The following GPC5 variants were observed in gnomAD, a reference collection of about 807,000 sequenced individuals.
The protein encoded by GPC5 is glypican-5.
Under a neutral mutation model 53.9 loss-of-function variants are expected in GPC5, and 47 were observed. That is an observed-to-expected ratio of 0.87 (90% confidence interval 0.69 to 1.11). The LOEUF is 1.11. Among genes scored for constraint, GPC5 ranks in the 50% most tolerant of loss-of-function variants. GPC5 has a pLI of 0.00. For missense variants in GPC5, 748 were observed against 713.1 expected, an observed-to-expected ratio of 1.05 and a Z score of -0.56; for synonymous variants, 286 against 263.3, an observed-to-expected ratio of 1.09 and a Z score of -0.84.
intron 6 of GPC5, among the ~76,000 whole-genome samples, chr13:91,938,877 T>C (rs1198500931): frequency 1.3e-5 from 2 of 152,084 alleles, no homozygotes; most frequent in Non-Finnish European, 2.9e-5. Flanking sequence ...TGAATGATAG[T>C]TTTAGTTTTC....
intron 7 of GPC5, among the ~76,000 whole-genome samples, chr13:92,525,479 T>TGTGTGTGTGTGA (rs777799898): frequency 2.1e-5 from 3 of 144,660 alleles, no homozygotes; most frequent in Admixed American, 7.0e-5. Context: ...TGTGTGTGTG[T>TGTGTGTGTGTGA]GAAACAACCA....
chr13:92,179,689 A>G (rs2139033731), intron 7 of GPC5, among the ~76,000 whole-genome samples: 1 of 152,256 alleles, frequency 6.6e-6, no homozygotes, highest in East Asian at 1.9e-4. Context: ...AATCTAACAT[A>G]CAAGAAAAAT....
intron 6 of GPC5, among the ~76,000 whole-genome samples, chr13:92,091,807 C>A (rs1173764369): frequency 6.6e-6 from 1 of 151,118 alleles, no homozygotes; most frequent in Non-Finnish European, 1.5e-5. Flanking sequence ...AGGTTTTAGT[C>A]ACTGTAAATC....
chr13:91,943,493 GT>G (rs1215371151), intron 6 of GPC5, among the ~76,000 whole-genome samples: 12 of 152,250 alleles, frequency 7.9e-5, no homozygotes, highest in Non-Finnish European at 1.8e-4. Context: ...ATGGAATTGA[GT>G]TTGGTGTATG....
At chr13:91,440,668 T>G (rs1221315520) in intron 1 of GPC5, among the ~76,000 whole-genome samples, 4 of 152,204 alleles carry the variant, frequency 2.6e-5, no homozygotes, top group Non-Finnish European at 5.9e-5. Flanking sequence ...GTCCCTTGGA[T>G]TCTGTGGATG....
In GPC5 at chr13:92,226,337, C is replaced by A. The variant is rs888820364; in HGVS notation, c.1561+81348C>A. ...ATTGTCAAGGGAGTATATAAGAGAA[C>A]AACAATCGTGTGTCTGGATATATAT... is the stretch of plus-strand genomic sequence containing the variant. On this transcript the variant is annotated intron_variant, in intron 7 of 7. Coordinates refer to ENST00000377067, the MANE Select transcript of GPC5 (RefSeq NM_004466.6). Among the ~76,000 whole-genome samples, 3 of 152,258 alleles carry A rather than the reference C, an allele frequency of 2.0e-5. No homozygotes were observed. In the East Asian group the frequency reaches 5.8e-4, roughly 29 times the overall value.
intron 7 of GPC5, among the ~76,000 whole-genome samples, chr13:92,291,876 A>G (rs557132522): frequency 6.6e-6 from 1 of 152,132 alleles, no homozygotes; most frequent in Admixed American, 6.5e-5. Flanking sequence ...CTGCAGCTTC[A>G]CTCTTGAGCC....
At chr13:91,978,703 T>C (rs2040330537) in intron 6 of GPC5, among the ~76,000 whole-genome samples, 1 of 152,206 alleles carries the variant, frequency 6.6e-6, no homozygotes, top group Non-Finnish European at 1.5e-5. Flanking sequence ...TCTTATTTTA[T>C]TTTAAATGCA....
At chr13:91,589,968 G>T (rs528654130) in intron 2 of GPC5, among the ~76,000 whole-genome samples, 3 of 151,906 alleles carry the variant, frequency 2.0e-5, no homozygotes, top group Admixed American at 6.6e-5. Flanking sequence ...GATAATTCAG[G>T]TGTACTACAT....
intron 2 of GPC5, among the ~76,000 whole-genome samples, chr13:91,530,105 A>G (rs1397271956): frequency 2.0e-5 from 3 of 152,214 alleles, no homozygotes; most frequent in Non-Finnish European, 2.9e-5. Flanking sequence ...ATTGCTGTAC[A>G]GTTGCACCAT....
chr13:91,964,279 G>T (rs1041959044), intron 6 of GPC5, among the ~76,000 whole-genome samples: 1 of 152,188 alleles, frequency 6.6e-6, no homozygotes, highest in Non-Finnish European at 1.5e-5. Context: ...CCTCCAAAGG[G>T]TGGAAAGAGA....
chr13:92,704,642 C>T (rs1437054690), intron 7 of GPC5, among the ~76,000 whole-genome samples: 2 of 151,622 alleles, frequency 1.3e-5, no homozygotes, highest in Admixed American at 1.3e-4. Context: ...GGTTATTGTC[C>T]TTTGGTTTAA....
rs150846894 is a variant in GPC5 at position 91,726,757 on chromosome 13, G to A, written c.1021-1775G>A. On this transcript the variant is annotated intron_variant, in intron 3 of 7. Coordinates refer to ENST00000377067, the MANE Select transcript of GPC5 (RefSeq NM_004466.6). ...CCTTCCATTTTACTGCTTCTCTGCC[G>A]ACTTCTGGCCTTGACATTTTCCATG... 3.7e-3 allele frequency among the ~76,000 whole-genome samples: 563 copies of A among 152,150 alleles called. 1 individual carries two copies. The highest frequency in any genetic ancestry group is 6.1e-3 in the Non-Finnish European group (414 of 68,016).
intron 2 of GPC5, among the ~76,000 whole-genome samples, chr13:91,586,563 TAG>T (rs3055914): frequency 0.18 from 7,560 of 41,668 alleles, 862 homozygotes; most frequent in Middle Eastern, 0.21. Context: ...TATATATATG[TAG>T]AGAGAGAGAG....
chr13:91,518,319 T>A (rs1027092631), intron 2 of GPC5, among the ~76,000 whole-genome samples: 2 of 152,104 alleles, frequency 1.3e-5, no homozygotes, highest in African/African-American at 4.8e-5. Context: ...TATGATCACA[T>A]CATTGCGTTC....
At chr13:92,663,705 T>C (rs1459959023) in intron 7 of GPC5, among the ~76,000 whole-genome samples, 3 of 140,478 alleles carry the variant, frequency 2.1e-5, no homozygotes, top group African/African-American at 7.8e-5. Context: ...ATATATTATA[T>C]ATCTACTATA....
In GPC5 at chr13:92,003,109, G is replaced by A. The variant is rs1222632306; in HGVS notation, c.1401+95052G>A. On this transcript the variant is annotated intron_variant, in intron 6 of 7. Transcript: ENST00000377067. ...GTGGATCACCAAAGGTCTGGAGTTC[G>A]AGACCAGCTTGGCCAACATGACAAA... Among the ~76,000 whole-genome samples, 9 of 152,150 alleles carry A rather than the reference G, an allele frequency of 5.9e-5. No individual in the cohort carries two copies. In the East Asian group the frequency reaches 1.5e-3, roughly 26 times the overall value.
At chr13:92,299,224 T>C (rs1490659489) in intron 7 of GPC5, among the ~76,000 whole-genome samples, 1 of 152,188 alleles carries the variant, frequency 6.6e-6, no homozygotes, top group Non-Finnish European at 1.5e-5. Flanking sequence ...AAGATCTTTA[T>C]GGATATTGAT....
chr13:92,247,500 G>A (rs909558987), intron 7 of GPC5, among the ~76,000 whole-genome samples: 12 of 152,048 alleles, frequency 7.9e-5, no homozygotes, highest in Admixed American at 7.2e-4. Context: ...TACAAATCAA[G>A]CAAGTATAAA....
Sources: allele counts gnomAD v4.1 joint callset (sites outside exome capture counted in the v4.1 genomes callset), GRCh38; gene constraint gnomAD v4.1.1; transcripts MANE v1.5; gene names NCBI Gene and HGNC (gene_info 2026-07-23, HGNC 2026-07-21).